Variants in FER1L6 observed in about 807,000 individuals in gnomAD.
FER1L6 encodes the protein fer-1 like family member 6.
A neutral mutation model predicts 219.2 loss-of-function variants in FER1L6; 177 were observed. That is an observed-to-expected ratio of 0.81 (90% CI 0.71 to 0.91). The LOEUF is 0.91. Among genes scored for constraint, FER1L6 ranks in the 40% least tolerant of loss-of-function variants. FER1L6 has a pLI of 0.00. For missense variants in FER1L6, 2,153 were observed against 2,259.9 expected (o/e 0.95, Z 0.96); for synonymous variants, 768 against 824.3 (o/e 0.93, Z 1.17).
intron 2 of FER1L6, among the ~76,000 whole-genome samples, chr8:123,956,958 A>G (rs1815047563): frequency 6.6e-6 from 1 of 152,168 alleles, no homozygotes; most frequent in Admixed American, 6.5e-5. Context: ...GTGTTTATTG[A>G]ATTAAATTGG....
At chr8:123,915,970 C>T (rs1039752790) in intron 1 of FER1L6, among the ~76,000 whole-genome samples, 30 of 152,128 alleles carry the variant, frequency 2.0e-4, no homozygotes, top group African/African-American at 6.5e-4. Context: ...ACCCTATGTC[C>T]ATTTTGCATA....
chr8:124,014,113 C>T (rs113880269), intron 15 of FER1L6, among the ~76,000 whole-genome samples: 2,854 of 152,206 alleles, frequency 0.019, 96 homozygotes, highest in African/African-American at 0.065. Flanking sequence ...AATGTATTAA[C>T]GTGCACAGGG....
intron 6 of FER1L6, 131 bp from the exon 7 acceptor site, chr8:123,973,303 A>T (rs1018029564): frequency 2.4e-5 from 16 of 680,452 alleles, no homozygotes; most frequent in Non-Finnish European, 3.7e-5. Context: ...GGGCTTCTGG[A>T]GGTCCTTTAC....
chr8:124,016,879 A>T (rs758089230), intron 15 of FER1L6, among the ~76,000 whole-genome samples: 70 of 152,310 alleles, frequency 4.6e-4, no homozygotes, highest in Non-Finnish European at 7.8e-4. Context: ...TAAGAATTCT[A>T]GTGTAATTTA....
At chr8:124,047,219 A>G (rs1819776930) in intron 21 of FER1L6, among the ~76,000 whole-genome samples, 1 of 152,214 alleles carries the variant, frequency 6.6e-6, no homozygotes, top group South Asian at 2.1e-4. Context: ...CATTGTGGTT[A>G]GGAGCACAAA....
intron 22 of FER1L6, among the ~76,000 whole-genome samples, chr8:124,055,299 G>C (rs555963381): frequency 1.3e-5 from 2 of 152,016 alleles, no homozygotes; most frequent in African/African-American, 4.8e-5. Context: ...TTAGCTGGGC[G>C]TGGTGGTGGA....
At chr8:124,116,761 AT>A (rs1228587722) in intron 39 of FER1L6, among the ~76,000 whole-genome samples, 41 of 152,370 alleles carry the variant, frequency 2.7e-4, no homozygotes, top group African/African-American at 9.4e-4. Context: ...TTCTTAGTGT[AT>A]AACATACTGC....
intron 1 of FER1L6, among the ~76,000 whole-genome samples, chr8:123,886,057 T>C (rs1817195651): frequency 6.6e-6 from 1 of 152,258 alleles, no homozygotes; most frequent in Non-Finnish European, 1.5e-5. Flanking sequence ...GAGACTGCGT[T>C]CGGAGTACTT....
intron 1 of FER1L6, among the ~76,000 whole-genome samples, chr8:123,921,619 C>T (rs969250828): frequency 6.6e-6 from 1 of 151,370 alleles, no homozygotes; most frequent in African/African-American, 2.4e-5. Context: ...AAGTGATTCT[C>T]CCACCTTACC....
intron 16 of FER1L6, among the ~76,000 whole-genome samples, chr8:124,019,267 T>G (rs1179409062): frequency 6.6e-6 from 1 of 152,190 alleles, no homozygotes; most frequent in Non-Finnish European, 1.5e-5. Flanking sequence ...TGTATATTCA[T>G]ATGTAACTCT....
Position 123,971,726 on chromosome 8 carries a change from AC to A in FER1L6, c.447+1630del, listed in dbSNP as rs1815824636. Among the ~76,000 whole-genome samples the A allele has an allele frequency of 2.6e-5, 4 of 152,318 alleles. No individual in the cohort carries two copies. In the South Asian group the frequency reaches 8.3e-4, roughly 32 times the overall value. ...GAAAGTCAGTATGCCCAGAATATAT[AC>A]GACATGGGATAAGAAGTGGGGGACT... On this transcript the variant is annotated intron_variant, in intron 6 of 40. Transcript: ENST00000522917.
intron 39 of FER1L6, among the ~76,000 whole-genome samples, chr8:124,107,250 G>A (rs1822820518): frequency 6.6e-6 from 1 of 152,134 alleles, no homozygotes; most frequent in African/African-American, 2.4e-5. Flanking sequence ...GCCCGGCCAA[G>A]AGATTATAAG....
chr8:123,871,638 C>T (rs1347546035), intron 1 of FER1L6, among the ~76,000 whole-genome samples: 1 of 152,082 alleles, frequency 6.6e-6, no homozygotes, highest in South Asian at 2.1e-4. Context: ...GATAAATCTC[C>T]CATTCAAAAA....
chr8:124,060,766 T>C (rs562063625), intron 24 of FER1L6, 57 bp downstream of exon 24: 1 of 1,558,114 alleles, frequency 6.4e-7, no homozygotes, highest in African/African-American at 1.4e-5. Flanking sequence ...ACAGATGAGA[T>C]GTTTTAGGGT....
At chr8:123,982,771 C>T (rs1387241841) in intron 11 of FER1L6, among the ~76,000 whole-genome samples, 1 of 152,154 alleles carries the variant, frequency 6.6e-6, no homozygotes, top group African/African-American at 2.4e-5. Context: ...CTGGAGAACC[C>T]ACTTTGAAGA....
chr8:123,918,297 A>G (rs1813248714), intron 1 of FER1L6, among the ~76,000 whole-genome samples: 2 of 146,022 alleles, frequency 1.4e-5, no homozygotes, highest in South Asian at 4.6e-4. Context: ...TGACAGAGAG[A>G]CAACCTGTCT....
rs1292640016 is a variant in FER1L6, at chr8:123,977,554, G to C, written c.1008G>C (p.Leu336=). The C allele has an allele frequency of 6.2e-7, 1 of 1,614,020 alleles. No individual in the cohort carries two copies. The highest frequency in any genetic ancestry group is 1.7e-5 in the Admixed American group (1 of 60,002). The change falls in exon 10 of 41, where the codon CTG becomes CTC. Residue 336 remains leucine, a synonymous_variant. Coordinates refer to ENST00000522917, the MANE Select transcript of FER1L6 (RefSeq NM_001039112.2). ...AAGGCAGCATGAATGACGTAGCCCT[G>C]GCAACCCATTTCATTGACCTGAAGA... ...WDEGSMNDVA[L]ATHFIDLKKI...
chr8:123,989,122 T>G (rs1816735231), intron 12 of FER1L6, among the ~76,000 whole-genome samples: 1 of 152,174 alleles, frequency 6.6e-6, no homozygotes, highest in African/African-American at 2.4e-5. Context: ...ACGTGATGTA[T>G]CATATTGATT....
At chr8:124,047,324 T>C (rs2130767209) in intron 21 of FER1L6, among the ~76,000 whole-genome samples, 1 of 152,290 alleles carries the variant, frequency 6.6e-6, no homozygotes, top group South Asian at 2.1e-4. Flanking sequence ...GAACGCCTCA[T>C]GCCTAAAAAA....
Sources: allele counts gnomAD v4.1 joint callset (sites outside exome capture counted in the v4.1 genomes callset), GRCh38; gene constraint gnomAD v4.1.1; transcripts MANE v1.5; gene names NCBI Gene and HGNC (gene_info 2026-07-23, HGNC 2026-07-21).